HFM1: variants seen among roughly 807,000 people sequenced by gnomAD.
HFM1 encodes the protein probable ATP-dependent DNA helicase HFM1.
Under a neutral mutation model 192.1 loss-of-function variants are expected in HFM1, and 169 were observed. The ratio of observed to expected loss-of-function variants is 0.88; its 90% CI spans 0.78 to 1.00. The LOEUF is 1.00. Ranked by LOEUF, HFM1 falls within the 50% of genes least tolerant of loss-of-function variation. The pLI is 0.00. For synonymous variants in HFM1, 525 were observed against 537.8 expected (o/e 0.98, Z 0.33); for missense variants, 1,661 against 1,668.0 (o/e 1.00, Z 0.07).
chr1:91,315,494 A>C (rs548445872), intron 28 of HFM1, among the ~76,000 whole-genome samples: 2 of 152,316 alleles, frequency 1.3e-5, no homozygotes, highest in African/African-American at 4.8e-5. Flanking sequence ...ACTGCATCCA[A>C]ACAGTAGTAG....
intron 19 of HFM1, among the ~76,000 whole-genome samples, chr1:91,345,012 C>T (rs531959813): frequency 4.5e-4 from 69 of 152,192 alleles, no homozygotes; most frequent in African/African-American, 1.6e-3. Context: ...CTTGGAATCC[C>T]AAAGGTATTA....
intron 13 of HFM1, among the ~76,000 whole-genome samples, chr1:91,372,224 C>T (rs1660314678): frequency 6.6e-6 from 1 of 152,174 alleles, no homozygotes. Flanking sequence ...TTGATCCAGC[C>T]ATCCCATTAC....
chr1:91,334,460 A>G (rs1053303661), intron 20 of HFM1, among the ~76,000 whole-genome samples: 4 of 152,208 alleles, frequency 2.6e-5, no homozygotes, highest in Admixed American at 6.5e-5. Context: ...AAAAGAGGTT[A>G]TATTTTGGAT....
chr1:91,341,392 C>G (rs904541176), intron 20 of HFM1, among the ~76,000 whole-genome samples: 1 of 152,058 alleles, frequency 6.6e-6, no homozygotes, highest in Non-Finnish European at 1.5e-5. Flanking sequence ...CTGATGAAAA[C>G]AAAGGCAGAA....
Position 91,316,371 on chromosome 1 carries a change from G to T in HFM1, c.2898+20C>A. On this transcript the variant is annotated intron_variant, in intron 26 of 38. Coordinates refer to ENST00000370425, the MANE Select transcript of HFM1 (RefSeq NM_001017975.6). ...GGCCTCAGAATTTAGATGGAATTAG[G>T]AATAAGTGAATATAACTACCAATTC... 4.5e-6 allele frequency: 6 copies of T among 1,345,360 alleles called. No individual in the cohort carries two copies. Among genetic ancestry groups the T allele is most frequent in the Non-Finnish European group, 5.2e-6 (5 of 957,896 alleles). The allele number at this position is 1,345,360 out of a possible 1,614,324, so 83.3% of individuals were successfully genotyped here. A position where few individuals can be genotyped will look rare whatever the true frequency, so the allele number is the denominator to read the frequency against.
At chr1:91,270,894 A>G (rs1666228582) in intron 34 of HFM1, among the ~76,000 whole-genome samples, 1 of 152,108 alleles carries the variant, frequency 6.6e-6, no homozygotes, top group Admixed American at 6.6e-5. Flanking sequence ...GAGCATACTG[A>G]GTGTCAATTG....
intron 36 of HFM1, among the ~76,000 whole-genome samples, chr1:91,265,016 C>A (rs957104251): frequency 7.9e-5 from 12 of 152,154 alleles, no homozygotes; most frequent in Non-Finnish European, 1.6e-4. Context: ...AAAAATCCAA[C>A]CCTACCTCTC....
At chr1:91,282,043 A>C (rs1470565584) in intron 30 of HFM1, among the ~76,000 whole-genome samples, 1 of 152,196 alleles carries the variant, frequency 6.6e-6, no homozygotes, top group Non-Finnish European at 1.5e-5. Flanking sequence ...TTATTTGTAG[A>C]CCTTTCATTC....
chr1:91,274,812 ATTAATG>A lies in HFM1; in HGVS notation c.3589-9_3589-4del, dbSNP rs748991959. ...CTTTGAGATTTATTCATCTGTATCTATTAATGAAACAAAAATAAGTTCAACTATCAG... is the reference window on the plus strand; with the variant it reads ...CTTTGAGATTTATTCATCTGTATCTAAAACAAAAATAAGTTCAACTATCAG... On this transcript the variant is annotated splice_region_variant and splice_polypyrimidine_tract_variant and intron_variant, in intron 32 of 38. Transcript: ENST00000370425. 6.7e-7 allele frequency: 1 copy of A among 1,501,086 alleles called. No individual in the cohort carries two copies. Among genetic ancestry groups the A allele is most frequent in the Non-Finnish European group, 9.2e-7 (1 of 1,085,196 alleles). The allele number at this position is 1,501,086 out of a possible 1,614,324, so 93.0% of individuals were successfully genotyped here. A position where few individuals can be genotyped will look rare whatever the true frequency, so the allele number is the denominator to read the frequency against.
intron 30 of HFM1, among the ~76,000 whole-genome samples, chr1:91,287,231 G>C (rs1668095005): frequency 6.6e-6 from 1 of 152,228 alleles, no homozygotes; most frequent in Non-Finnish European, 1.5e-5. Context: ...CAAAAAGACA[G>C]CAGTAACCTC....
chr1:91,336,037 G>A (rs1386454262), intron 20 of HFM1, among the ~76,000 whole-genome samples: 1 of 148,326 alleles, frequency 6.7e-6, no homozygotes, highest in Non-Finnish European at 1.5e-5. Context: ...ATCCTCCTTG[G>A]AGGCTAAAAT....
In HFM1 at chr1:91,321,276, T is replaced by C. The variant is rs981186312; in HGVS notation, c.2582+1674A>G. The stretch of plus-strand genomic sequence containing the variant: ...CTGGCCAACATGGTGAAACCCCATC[T>C]CTACTAAAAATACAAAAATTAGCCA... On this transcript the variant is annotated intron_variant, in intron 23 of 38. Transcript: ENST00000370425. 5.3e-5 allele frequency among the ~76,000 whole-genome samples: 8 copies of C among 152,106 alleles called. 1 individual carries two copies. The highest frequency in any genetic ancestry group is 1.7e-4 in the African/African-American group (7 of 41,434).
intron 4 of HFM1, among the ~76,000 whole-genome samples, chr1:91,389,972 T>A (rs1361187845): frequency 1.3e-5 from 2 of 152,190 alleles, no homozygotes; most frequent in African/African-American, 4.8e-5. Flanking sequence ...ACTTCTGGGT[T>A]TATATCCAAA....
chr1:91,343,289 C>A, intron 20 of HFM1, 141 bp downstream of exon 20: 1 of 402,754 alleles, frequency 2.5e-6, no homozygotes, highest in Non-Finnish European at 4.6e-6. Flanking sequence ...TTTATCATGC[C>A]TATGGCTAAT....
chr1:91,313,583 T>C (rs997104661), intron 29 of HFM1, 88 bp from the exon 30 acceptor site: 1 of 877,466 alleles, frequency 1.1e-6, no homozygotes, highest in Non-Finnish European at 1.6e-6. Flanking sequence ...CTCTCTTACA[T>C]TTTTATAACT....
intron 36 of HFM1, among the ~76,000 whole-genome samples, chr1:91,263,886 A>G (rs1665417041): frequency 6.6e-6 from 1 of 152,138 alleles, no homozygotes; most frequent in Admixed American, 6.6e-5. Flanking sequence ...AACTCTTCCA[A>G]AAGTATTTGT....
At chr1:91,311,392 G>A (rs1030740491) in intron 30 of HFM1, among the ~76,000 whole-genome samples, 5 of 152,112 alleles carry the variant, frequency 3.3e-5, no homozygotes, top group African/African-American at 4.8e-5. Flanking sequence ...TCGGGAGGCC[G>A]AGGCAGGTGG....
At chr1:91,328,502 A>C in intron 20 of HFM1, 6 of 1,613,548 alleles carry the variant, frequency 3.7e-6, no homozygotes, top group Non-Finnish European at 5.1e-6. Context: ...AGCACTTATC[A>C]GTTCCTGATT....
chr1:91,352,447 A>G, intron 16 of HFM1, 59 bp downstream of exon 16: 1 of 1,301,860 alleles, frequency 7.7e-7, no homozygotes, highest in Non-Finnish European at 1.1e-6. Flanking sequence ...CAAAAAATAC[A>G]CAATTTTTTT....
Sources: allele counts gnomAD v4.1 joint callset (sites outside exome capture counted in the v4.1 genomes callset), GRCh38; gene constraint gnomAD v4.1.1; transcripts MANE v1.5; gene names NCBI Gene and HGNC (gene_info 2026-07-23, HGNC 2026-07-21).